The following RTF2 variants were observed in gnomAD, a reference collection of about 807,000 sequenced individuals.
The protein encoded by RTF2 is replication termination factor 2.
RTF2 carries 18 observed loss-of-function variants against 38.0 expected under a neutral mutation model. The observed-to-expected ratio is 0.47, with a 90% CI of 0.33 to 0.70. The LOEUF (loss-of-function observed/expected upper bound fraction) is 0.70, where lower values mean the gene tolerates loss of function less well. RTF2 is among the 30% of genes least tolerant of loss of function. The pLI is 0.02. For missense variants in RTF2, 311 were observed against 379.6 expected, an observed-to-expected ratio of 0.82 and a Z score of 1.50; for synonymous variants, 126 against 137.1, an observed-to-expected ratio of 0.92 and a Z score of 0.57.
chr20:56,491,829 C>T (rs1173842735), intron 5 of RTF2: 1 of 1,416,076 alleles, frequency 7.1e-7, no homozygotes, highest in East Asian at 2.5e-5. Flanking sequence ...TTTCCTCACC[C>T]ATTTTATTCA....
chr20:56,499,247 A>C (rs1983760827), intron 5 of RTF2, among the ~76,000 whole-genome samples: 1 of 135,814 alleles, frequency 7.4e-6, no homozygotes, highest in African/African-American at 2.9e-5. Context: ...CTCAGGCTGG[A>C]GTGCAATGGT....
intron 8 of RTF2, among the ~76,000 whole-genome samples, chr20:56,517,474 G>A (rs1179239998): frequency 2.0e-5 from 3 of 152,124 alleles, no homozygotes; most frequent in African/African-American, 7.2e-5. Flanking sequence ...AAAAGAGGTT[G>A]CGCTGAGAAC....
At chr20:56,474,366 A>G (rs1488834162) in intron 2 of RTF2, among the ~76,000 whole-genome samples, 1 of 152,186 alleles carries the variant, frequency 6.6e-6, no homozygotes, top group Non-Finnish European at 1.5e-5. Flanking sequence ...CTGTAATCCC[A>G]GCTGCTCGGG....
At chr20:56,495,852 T>G (rs1983494041) in intron 5 of RTF2, among the ~76,000 whole-genome samples, 1 of 152,194 alleles carries the variant, frequency 6.6e-6, no homozygotes, top group African/African-American at 2.4e-5. Context: ...GAAGTCCACT[T>G]AAGGATGGTA....
chr20:56,470,980 A>G (rs1019487309), intron 1 of RTF2: 4 of 228,484 alleles, frequency 1.8e-5, no homozygotes, highest in Admixed American at 9.2e-5. Context: ...AGACACTAGC[A>G]AATCATCAAA....
rs371181186 is a variant in RTF2 at position 56,479,375 on chromosome 20, G to A, written c.398+2251G>A. 9.2e-5 allele frequency among the ~76,000 whole-genome samples: 14 copies of A among 152,146 alleles called. No individual in the cohort carries two copies. In the East Asian group the frequency reaches 2.1e-3, roughly 23 times the overall value. ...CGAGTAGCTGGGATTACAGGTGCCC[G>A]CCACCGTGCCCAGCTAATGTTTATA... On this transcript the variant is annotated intron_variant, in intron 4 of 8. Transcript: ENST00000357348.
chr20:56,474,833 G>T, intron 3 of RTF2, 62 bp downstream of exon 3: 1 of 1,061,970 alleles, frequency 9.4e-7, no homozygotes, highest in Non-Finnish European at 1.4e-6. Flanking sequence ...TTATTTTATA[G>T]AATTTATACG....
At chr20:56,490,892 C>G (rs531158959) in intron 5 of RTF2, among the ~76,000 whole-genome samples, 1 of 152,302 alleles carries the variant, frequency 6.6e-6, no homozygotes, top group East Asian at 1.9e-4. Context: ...TGTAGTCGCT[C>G]CAGCCATGTT....
At chr20:56,496,533 G>T in intron 5 of RTF2, 1 of 1,244,478 alleles carries the variant, frequency 8.0e-7, no homozygotes, top group Non-Finnish European at 1.1e-6. Context: ...CGGTGACCGT[G>T]TGAGACTCCG....
intron 4 of RTF2, among the ~76,000 whole-genome samples, chr20:56,480,830 A>G (rs147792745): frequency 1.3e-5 from 2 of 150,936 alleles, no homozygotes; most frequent in African/African-American, 2.4e-5. Context: ...TGAGTTTACC[A>G]TCTTATAAGA....
intron 4 of RTF2, among the ~76,000 whole-genome samples, chr20:56,482,528 A>C (rs1982577473): frequency 6.6e-6 from 1 of 152,278 alleles, no homozygotes; most frequent in Admixed American, 6.5e-5. Flanking sequence ...TATTTAGTAA[A>C]GTTTGTATAA....
chr20:56,491,789 G>A, intron 5 of RTF2: 1 of 1,546,248 alleles, frequency 6.5e-7, no homozygotes, highest in Non-Finnish European at 8.8e-7. Context: ...GCGGCCTGCA[G>A]AAAGAAACAC....
chr20:56,478,113 G>A (rs1046481198), intron 4 of RTF2, among the ~76,000 whole-genome samples: 17 of 152,110 alleles, frequency 1.1e-4, no homozygotes, highest in African/African-American at 3.9e-4. Flanking sequence ...GAGATATTGT[G>A]GGTTCTATTC....
At chr20:56,478,069 T>C (rs751856133) in intron 4 of RTF2, among the ~76,000 whole-genome samples, 1 of 152,202 alleles carries the variant, frequency 6.6e-6, no homozygotes, top group Non-Finnish European at 1.5e-5. Context: ...GTTAAGCCCT[T>C]TCCCCCACTT....
intron 5 of RTF2, among the ~76,000 whole-genome samples, chr20:56,489,379 G>A: frequency 6.6e-6 from 1 of 151,978 alleles, no homozygotes; most frequent in East Asian, 1.9e-4. Context: ...GAAATGATTT[G>A]TTCAGGACAT....
chr20:56,480,759 A>G (rs768754606), intron 4 of RTF2, among the ~76,000 whole-genome samples: 21 of 152,168 alleles, frequency 1.4e-4, no homozygotes, highest in South Asian at 6.2e-4. Context: ...GAGAACTGAG[A>G]AGGAGAGAGA....
intron 5 of RTF2, among the ~76,000 whole-genome samples, chr20:56,498,679 C>T (rs566402436): frequency 1.2e-4 from 18 of 152,210 alleles, no homozygotes; most frequent in African/African-American, 2.6e-4. Context: ...AATTATTACA[C>T]GCAAGGATCA....
At chr20:56,486,936 A>AGC (rs1982827259) in intron 5 of RTF2, among the ~76,000 whole-genome samples, 1 of 152,098 alleles carries the variant, frequency 6.6e-6, no homozygotes, top group Non-Finnish European at 1.5e-5. Flanking sequence ...GGGGTACAGG[A>AGC]GCAGGGAGAG....
At chr20:56,517,586 T>G (rs770952977) in intron 8 of RTF2, among the ~76,000 whole-genome samples, 1 of 152,180 alleles carries the variant, frequency 6.6e-6, no homozygotes, top group Non-Finnish European at 1.5e-5. Context: ...GGGCTCCACG[T>G]GTGGCTCTCA....
Sources: allele counts gnomAD v4.1 joint callset (sites outside exome capture counted in the v4.1 genomes callset), GRCh38; gene constraint gnomAD v4.1.1; transcripts MANE v1.5; gene names NCBI Gene and HGNC (gene_info 2026-07-23, HGNC 2026-07-21).